The following ZFHX3 variants were observed in gnomAD, a reference collection of about 807,000 sequenced individuals.
ZFHX3 encodes zinc finger homeobox 3, also known as zinc finger homeobox protein 3.
In ZFHX3, 42 loss-of-function variants were observed where a neutral mutation model predicts 279.1. That is an observed-to-expected ratio of 0.15 (90% CI 0.12 to 0.19). The LOEUF (loss-of-function observed/expected upper bound fraction) is 0.19. Ranked by LOEUF, ZFHX3 falls within the 10% of genes least tolerant of loss-of-function variation. ZFHX3 has a pLI of 1.00. For missense variants in ZFHX3, 4,981 were observed against 4,754.0 expected, an observed-to-expected ratio of 1.05 and a Z score of -1.40; for synonymous variants, 2,293 against 1,957.8, an observed-to-expected ratio of 1.17 and a Z score of -4.52.
intron 3 of ZFHX3, among the ~76,000 whole-genome samples, chr16:73,378,401 T>C (rs2016761852): frequency 6.6e-6 from 1 of 152,194 alleles, no homozygotes; most frequent in South Asian, 2.1e-4. Context: ...GTTTTTGTTC[T>C]TATATGGTTA....
chr16:73,258,976 T>A (rs1440253712), intron 4 of ZFHX3, among the ~76,000 whole-genome samples: 1 of 152,242 alleles, frequency 6.6e-6, no homozygotes, highest in Non-Finnish European at 1.5e-5. Flanking sequence ...TACAAATTCT[T>A]GTGCAATCTG....
chr16:73,568,574 G>A (rs775066061), intron 2 of ZFHX3, among the ~76,000 whole-genome samples: 45 of 152,070 alleles, frequency 3.0e-4, no homozygotes, highest in Non-Finnish European at 4.6e-4. Flanking sequence ...GATTTTCGAC[G>A]TCCTCTCTTC....
chr16:73,018,862 T>TAACC (rs1964197857), intron 1 of ZFHX3, among the ~76,000 whole-genome samples: 1 of 152,156 alleles, frequency 6.6e-6, no homozygotes, highest in Non-Finnish European at 1.5e-5. Context: ...CCCTCCCTCC[T>TAACC]AACCAACCCA....
At chr16:73,723,789 A>G (rs2053496087) in intron 1 of ZFHX3, among the ~76,000 whole-genome samples, 1 of 152,202 alleles carries the variant, frequency 6.6e-6, no homozygotes, top group African/African-American at 2.4e-5. Flanking sequence ...GAATTAAACG[A>G]TCTTTAAAAT....
intron 1 of ZFHX3, among the ~76,000 whole-genome samples, chr16:73,056,051 C>A (rs1965549536): frequency 6.6e-6 from 1 of 152,072 alleles, no homozygotes; most frequent in Non-Finnish European, 1.5e-5. Context: ...AACTAAAACC[C>A]GAGGAGGGGG....
chr16:73,728,015 G>GCCCCCCCCCCCCCCCCCCCCCC (rs3049673), intron 1 of ZFHX3, among the ~76,000 whole-genome samples: 2 of 75,426 alleles, frequency 2.7e-5, no homozygotes, highest in Non-Finnish European at 5.2e-5. Context: ...GCCGAATTGT[G>GCCCCCCCCCCCCCCCCCCCCCC]CCCCCCCCCC....
chr16:73,850,350 T>G (rs932200449), intron 1 of ZFHX3, among the ~76,000 whole-genome samples: 20 of 152,058 alleles, frequency 1.3e-4, no homozygotes, highest in Admixed American at 3.3e-4. Context: ...ACAGAGAAAA[T>G]ACTTAATACA....
At chr16:73,750,350 T>C (rs138473487) in intron 1 of ZFHX3, among the ~76,000 whole-genome samples, 11 of 152,318 alleles carry the variant, frequency 7.2e-5, no homozygotes, top group Non-Finnish European at 1.2e-4. Flanking sequence ...CTCTACCAAC[T>C]TTATTAAGAA....
chr16:73,647,432 C>T (rs987322252), intron 2 of ZFHX3, among the ~76,000 whole-genome samples: 49 of 152,112 alleles, frequency 3.2e-4, no homozygotes, highest in African/African-American at 1.1e-3. Context: ...GAGTTCTCGT[C>T]AGATCTGATG....
At chr16:73,621,475 G>C (rs2143904329) in intron 2 of ZFHX3, among the ~76,000 whole-genome samples, 1 of 152,240 alleles carries the variant, frequency 6.6e-6, no homozygotes, top group Non-Finnish European at 1.5e-5. Context: ...GATGGATTTA[G>C]GTCAGTTGAA....
At chr16:73,493,722 G>A (rs2019090925) in intron 2 of ZFHX3, among the ~76,000 whole-genome samples, 1 of 152,054 alleles carries the variant, frequency 6.6e-6, no homozygotes. Flanking sequence ...CCTAGCTGTT[G>A]AGAAGACAGT....
chr16:72,869,325 G>C (rs929162373), intron 4 of ZFHX3, among the ~76,000 whole-genome samples: 1 of 152,096 alleles, frequency 6.6e-6, no homozygotes, highest in African/African-American at 2.4e-5. Flanking sequence ...GCCAGCCAGA[G>C]CCCTCGCCAA....
intron 3 of ZFHX3, among the ~76,000 whole-genome samples, chr16:73,347,990 G>GT (rs113521240): frequency 6.2e-4 from 94 of 152,316 alleles, no homozygotes; most frequent in African/African-American, 2.1e-3. Context: ...TATCAAGCTT[G>GT]TTCCTTAGGC....
chr16:72,995,735 A>G (rs2058399741), intron 1 of ZFHX3, among the ~76,000 whole-genome samples: 1 of 152,212 alleles, frequency 6.6e-6, no homozygotes, highest in African/African-American at 2.4e-5. Flanking sequence ...CCTTGGGCCA[A>G]TCATGCAACT....
At chr16:73,402,136 G>A (rs1039298468) in intron 3 of ZFHX3, 2 of 152,096 alleles carry the variant, frequency 1.3e-5, no homozygotes, top group African/African-American at 4.8e-5. Flanking sequence ...TTCAAGACTG[G>A]GTTATCTTTG....
chr16:72,788,890 G>A, intron 9 of ZFHX3, 42 bp from the exon 10 acceptor site: 1 of 1,509,452 alleles, frequency 6.6e-7, no homozygotes, highest in Non-Finnish European at 8.8e-7. Context: ...AGTCTGGGCA[G>A]GGGTAGGGCT....
intron 2 of ZFHX3, among the ~76,000 whole-genome samples, chr16:73,674,849 C>A (rs1331230603): frequency 1.3e-5 from 2 of 152,202 alleles, no homozygotes; most frequent in Non-Finnish European, 2.9e-5. Flanking sequence ...GACTTCTCAG[C>A]TGACTATAAC....
intron 2 of ZFHX3, among the ~76,000 whole-genome samples, chr16:73,542,809 T>A (rs2020042052): frequency 6.6e-6 from 1 of 152,208 alleles, no homozygotes; most frequent in Admixed American, 6.5e-5. Context: ...AAATTCAAAT[T>A]TAATTGGCAT....
intron 2 of ZFHX3, among the ~76,000 whole-genome samples, chr16:73,473,346 A>C (rs2018704688): frequency 1.9e-5 from 1 of 51,854 alleles, no homozygotes; most frequent in Non-Finnish European, 3.9e-5. Flanking sequence ...AAGCAAAAAA[A>C]AAAAAAAAAA....
Sources: gnomAD v4.1 joint callset for allele counts (sites outside exome capture counted in the v4.1 genomes callset) on GRCh38, gnomAD v4.1.1 for gene constraint, MANE v1.5 for transcripts, NCBI Gene and HGNC (gene_info 2026-07-23, HGNC 2026-07-21) for gene names.